Variants in PRPH2 observed in about 807,000 individuals in gnomAD.
PRPH2 encodes peripherin 2, also known as peripherin-2.
PRPH2 carries 17 observed loss-of-function variants against 31.3 expected under a neutral mutation model. That is an observed-to-expected ratio of 0.54 (90% CI 0.37 to 0.81). The LOEUF is 0.81. Ranked by LOEUF, PRPH2 falls within the 40% of genes least tolerant of loss-of-function variation. The probability of loss-of-function intolerance (pLI) is 0.00; values close to 1 mark genes in which losing one functional copy is unlikely to be tolerated. For missense variants in PRPH2, 430 were observed against 439.7 expected (o/e 0.98, Z 0.20); for synonymous variants, 165 against 184.4 (o/e 0.89, Z 0.85).
At position 42,722,346 on chromosome 6, in the gene PRPH2, G is replaced by A; in HGVS notation, c.-12C>T. ...TTCAGTAGCGCCATGCTTGCCAAGTGTAGTCCGGGTTGCTTCCCACAGCAC... is the reference window on the plus strand; with the variant it reads ...TTCAGTAGCGCCATGCTTGCCAAGTATAGTCCGGGTTGCTTCCCACAGCAC... On this transcript the variant is annotated 5_prime_UTR_variant, in exon 1 of 3. Transcript: ENST00000230381. This position sits in a 1 kb window ranked among gnomAD's most constrained non-coding sequence, Gnocchi z 4.4. 1 of 1,612,936 alleles carries A rather than the reference G, an allele frequency of 6.2e-7. No homozygotes were observed. Among genetic ancestry groups the A allele is most frequent in the South Asian group, 1.1e-5 (1 of 91,058 alleles).
At position 42,721,771 on chromosome 6, in the gene PRPH2, G is replaced by T. The variant is rs1398721260; in HGVS notation, c.564C>A (p.Ser188=). The part of the protein sequence containing the change: ...QWISNRYLDF[S]SKEVKDRIKS... Reference sequence around the variant, plus strand: ...CCACTCACTCTTTGACTTCTTTGGAGGAAAAGTCCAGGTAGCGATTGCTGA... The same window carrying T: ...CCACTCACTCTTTGACTTCTTTGGATGAAAAGTCCAGGTAGCGATTGCTGA... The change falls in exon 1 of 3, where the codon TCC becomes TCA. Residue 188 remains serine, a synonymous_variant. Transcript: ENST00000230381. 6.2e-7 allele frequency: 1 copy of T among 1,614,074 alleles called. No individual in the cohort carries two copies. The highest frequency in any genetic ancestry group is 1.7e-5 in the Admixed American group (1 of 60,002).
chr6:42,718,656 T>A lies in PRPH2; in HGVS notation c.581+3098A>T, dbSNP rs577369973. Among the ~76,000 whole-genome samples the A allele has an allele frequency of 3.4e-4, 52 of 152,080 alleles. 1 individual carries two copies. Among genetic ancestry groups the A allele is most frequent in the South Asian group, 1.5e-3 (7 of 4,814 alleles). ...AATTTGTGTGCTAATTCATATATTT[T>A]TTTTTTTTCTGAGATAGGGTCTTAC... On this transcript the variant is annotated intron_variant, in intron 1 of 2. Transcript: ENST00000230381.
intron 1 of PRPH2, chr6:42,711,748 A>C: frequency 1.0e-6 from 1 of 985,108 alleles, no homozygotes; most frequent in Non-Finnish European, 1.2e-6. Context: ...TAAGAAGAGC[A>C]AGCAGGTACC....
At chr6:42,719,174 T>A (rs999915705) in intron 1 of PRPH2, among the ~76,000 whole-genome samples, 1 of 151,828 alleles carries the variant, frequency 6.6e-6, no homozygotes, top group African/African-American at 2.4e-5. Flanking sequence ...TTCCTTTTTT[T>A]TTTTTTTTCT....
chr6:42,714,737 C>T (rs1350019727), intron 1 of PRPH2, among the ~76,000 whole-genome samples: 3 of 152,104 alleles, frequency 2.0e-5, no homozygotes, highest in Non-Finnish European at 2.9e-5. Context: ...ATGCTGGTAT[C>T]GAACCCCTGG....
In PRPH2 at chr6:42,722,155, C is replaced by A; in HGVS notation, c.180G>T (p.Val60=). 1 of 1,614,158 alleles carries A rather than the reference C, an allele frequency of 6.2e-7. No individual in the cohort carries two copies. The highest frequency in any genetic ancestry group is 8.5e-7 in the Non-Finnish European group (1 of 1,180,026). Residue 60 remains valine (V), a synonymous_variant, in exon 1 of 3, where the codon GTG becomes GTT. Transcript: ENST00000230381. This position sits in a 1 kb window ranked among gnomAD's most constrained non-coding sequence, Gnocchi z 4.4. The stretch of plus-strand genomic sequence containing the variant: ...CCCCCATCCCTATCAATGAGTTGGG[C>A]ACAAAATGGCTCTCAGAATTATTCA... ...DVMNNSESHF[V]PNSLIGMGVL... is the part of the protein sequence containing the mutation.
Position 42,711,977 on chromosome 6 carries a change from T to C in PRPH2, c.582-7366A>G, listed in dbSNP as rs929919068. The C allele has an allele frequency of 4.1e-6, 4 of 985,214 alleles. No individual in the cohort carries two copies. The African/African-American group carries it at 7.0e-5, about 17-fold the overall frequency. The allele number at this position is 985,214 out of a possible 1,614,324, so 61.0% of individuals were successfully genotyped here. A position where few individuals can be genotyped will look rare whatever the true frequency, so the allele number is the denominator to read the frequency against. Reference sequence around the variant, plus strand: ...TGTTGTAAACTGACTGAAGACCTCATGTCCTTCCTCATGTGCTACGGTAAG... The same window carrying C: ...TGTTGTAAACTGACTGAAGACCTCACGTCCTTCCTCATGTGCTACGGTAAG... On this transcript the variant is annotated intron_variant, in intron 1 of 2. Coordinates refer to ENST00000230381, the MANE Select transcript of PRPH2 (RefSeq NM_000322.5).
chr6:42,699,327 G>C (rs1005794698), intron 2 of PRPH2, among the ~76,000 whole-genome samples: 5 of 152,048 alleles, frequency 3.3e-5, no homozygotes, highest in African/African-American at 1.2e-4. Flanking sequence ...CTCCCAAAGT[G>C]CTGGGATTAC....
chr6:42,712,570 A>G (rs1192370222), intron 1 of PRPH2, among the ~76,000 whole-genome samples: 1 of 152,004 alleles, frequency 6.6e-6, no homozygotes, highest in Non-Finnish European at 1.5e-5. Flanking sequence ...CAAAATATTG[A>G]TATTTGTTCC....
chr6:42,701,745 G>A (rs1423666834), intron 2 of PRPH2, among the ~76,000 whole-genome samples: 1 of 136,202 alleles, frequency 7.3e-6, no homozygotes, highest in Non-Finnish European at 1.5e-5. Flanking sequence ...GCCCAGGCTG[G>A]TCTTGAACTC....
intron 2 of PRPH2, among the ~76,000 whole-genome samples, chr6:42,701,412 C>T (rs1187960652): frequency 1.3e-5 from 2 of 152,020 alleles, no homozygotes; most frequent in African/African-American, 2.4e-5. Context: ...CATAAGCCAC[C>T]GCGCCTGGCC....
intron 1 of PRPH2, among the ~76,000 whole-genome samples, chr6:42,707,970 C>T (rs561021494): frequency 6.6e-6 from 1 of 152,216 alleles, no homozygotes; most frequent in Non-Finnish European, 1.5e-5. Flanking sequence ...CCTCTGCTTC[C>T]TTATATTTGA....
intron 1 of PRPH2, among the ~76,000 whole-genome samples, chr6:42,706,322 G>T (rs988929887): frequency 6.6e-6 from 1 of 151,374 alleles, no homozygotes; most frequent in Non-Finnish European, 1.5e-5. Context: ...GGAGAATGGC[G>T]TGAACCCAGG....
rs1388865786 is a variant in PRPH2, at chr6:42,704,551, G to T, written c.642C>A (p.Cys214Ter). Residue 214 changes from cysteine to a stop codon, truncating the protein, a stop_gained, in exon 2 of 3, where the codon TGC becomes TGA. Coordinates refer to ENST00000230381, the MANE Select transcript of PRPH2 (RefSeq NM_000322.5). LOFTEE classifies it high-confidence loss of function. ...YLVDGVPFSC[C>*]NPSSPRPCIQ... The stretch of plus-strand genomic sequence containing the variant: ...TGCAGGGCCGTGGCGAGCTAGGATT[G>T]CAGCAGCTGAAAGGGACGCCGTCCA... 1 of 1,614,174 alleles carries T rather than the reference G, an allele frequency of 6.2e-7. No homozygotes were observed. The highest frequency in any genetic ancestry group is 8.5e-7 in the Non-Finnish European group (1 of 1,180,016).
intron 1 of PRPH2, among the ~76,000 whole-genome samples, chr6:42,707,523 C>G (rs1800190816): frequency 6.6e-6 from 1 of 152,134 alleles, no homozygotes; most frequent in African/African-American, 2.4e-5. Flanking sequence ...CAGCCATGCT[C>G]AGGAGAACCT....
At chr6:42,700,361 C>T (rs1800024794) in intron 2 of PRPH2, among the ~76,000 whole-genome samples, 2 of 152,156 alleles carry the variant, frequency 1.3e-5, no homozygotes, top group Admixed American at 6.5e-5. Flanking sequence ...TATGGCATAG[C>T]AAACTCTACA....
Position 42,698,267 on chromosome 6 carries a change from G to A in PRPH2, c.*28C>T. On this transcript the variant is annotated 3_prime_UTR_variant, in exon 3 of 3. Transcript: ENST00000230381. The stretch of plus-strand genomic sequence containing the variant: ...TTCTTGGAGTGCACTATTTCTCAGT[G>A]TTCGGGAGGGGAGGGGCCCCAGGGC... 1 of 1,612,848 alleles carries A rather than the reference G, an allele frequency of 6.2e-7. No individual in the cohort carries two copies. Among genetic ancestry groups the A allele is most frequent in the Non-Finnish European group, 8.5e-7 (1 of 1,179,764 alleles).
At chr6:42,714,260 T>C (rs1386905492) in intron 1 of PRPH2, among the ~76,000 whole-genome samples, 1 of 152,170 alleles carries the variant, frequency 6.6e-6, no homozygotes, top group Non-Finnish European at 1.5e-5. Context: ...ACAAATGTTA[T>C]ATGACTCATT....
intron 2 of PRPH2, among the ~76,000 whole-genome samples, chr6:42,702,003 G>A (rs1043018836): frequency 1.3e-5 from 2 of 152,036 alleles, no homozygotes; most frequent in African/African-American, 2.4e-5. Context: ...CACTTTAGGA[G>A]GCCGAGGTTG....
Sources: allele counts gnomAD v4.1 joint callset (sites outside exome capture counted in the v4.1 genomes callset), GRCh38; gene constraint gnomAD v4.1.1; non-coding constraint Gnocchi (gnomAD v3.1); transcripts MANE v1.5; gene names NCBI Gene and HGNC (gene_info 2026-07-23, HGNC 2026-07-21).